The following RNF115 variants were observed in gnomAD, a reference collection of about 807,000 sequenced individuals.
RNF115 encodes ring finger protein 115, also known as E3 ubiquitin-protein ligase RNF115.
RNF115 carries 31 observed loss-of-function variants against 39.2 expected under a neutral mutation model. The observed-to-expected ratio is 0.79, with a 90% CI of 0.59 to 1.07. The LOEUF is 1.07. RNF115 is among the 50% of genes least tolerant of loss of function. RNF115 has a pLI of 0.00. For synonymous variants in RNF115, 124 were observed against 131.0 expected, an observed-to-expected ratio of 0.95 and a Z score of 0.37; for missense variants, 384 against 381.7, an observed-to-expected ratio of 1.01 and a Z score of -0.05.
At chr1:145,807,121 G>T (rs184495643) in intron 1 of RNF115, among the ~76,000 whole-genome samples, 87 of 152,310 alleles carry the variant, frequency 5.7e-4, no homozygotes, top group African/African-American at 2.0e-3. Flanking sequence ...TGCTGTTACT[G>T]TTGCATAATC....
chr1:145,746,956 C>T lies in RNF115; in HGVS notation c.825G>A (p.Glu275=). 6.2e-7 allele frequency: 1 copy of T among 1,613,992 alleles called. No homozygotes were observed. The highest frequency in any genetic ancestry group is 8.5e-7 in the Non-Finnish European group (1 of 1,179,940). ...CPVCRKSLNG[E]DSTRQSQSTE... is the part of the protein sequence containing the mutation. ...TGCTCTGGCTTTGCCGAGTAGAGTC[C>T]TCACCATTTAAGCTCTTCCTACATA... Residue 275 remains glutamate, a synonymous_variant, in exon 9 of 9, where the codon GAG becomes GAA. Transcript: ENST00000582693.
chr1:145,786,168 G>A (rs587704704), intron 2 of RNF115, among the ~76,000 whole-genome samples: 1 of 152,168 alleles, frequency 6.6e-6, no homozygotes, highest in African/African-American at 2.4e-5. Flanking sequence ...CATAGAGAAG[G>A]GATAATAAAA....
chr1:145,812,667 A>G (rs1649786850), intron 1 of RNF115, among the ~76,000 whole-genome samples: 2 of 149,602 alleles, frequency 1.3e-5, no homozygotes, highest in African/African-American at 2.5e-5. Flanking sequence ...GTCTCAAAAA[A>G]AAACCAAAAA....
At chr1:145,781,900 CTTTTT>C (rs34615861) in intron 3 of RNF115, among the ~76,000 whole-genome samples, 2 of 135,560 alleles carry the variant, frequency 1.5e-5, no homozygotes, top group African/African-American at 5.5e-5. Flanking sequence ...TACACTTTTC[CTTTTT>C]TTTTTTTTTT....
intron 1 of RNF115, among the ~76,000 whole-genome samples, chr1:145,811,932 T>TATATACAC (rs1465945929): frequency 7.1e-4 from 53 of 74,616 alleles, no homozygotes; most frequent in African/African-American, 8.7e-4. Flanking sequence ...TATATATATA[T>TATATACAC]ACACACACAC....
chr1:145,772,095 T>A, intron 3 of RNF115, 176 bp from the exon 4 acceptor site: 1 of 571,186 alleles, frequency 1.8e-6, no homozygotes. Context: ...GATCTATACA[T>A]CTTCAACTTT....
chr1:145,753,151 G>A, intron 4 of RNF115, 102 bp from the exon 5 acceptor site: 2 of 748,710 alleles, frequency 2.7e-6, no homozygotes, highest in Non-Finnish European at 4.6e-6. Flanking sequence ...AAACCAAAAT[G>A]GCTTTTCATT....
intron 7 of RNF115, among the ~76,000 whole-genome samples, chr1:145,748,431 T>TA (rs1657958161): frequency 6.6e-6 from 1 of 152,120 alleles, no homozygotes; most frequent in South Asian, 2.1e-4. Context: ...ATCTGCTCAG[T>TA]AAAACAGGAA....
intron 1 of RNF115, among the ~76,000 whole-genome samples, chr1:145,818,903 TAAAG>T (rs1650104995): frequency 6.7e-6 from 1 of 148,316 alleles, no homozygotes; most frequent in Admixed American, 6.8e-5. Context: ...GCTAGATTAA[TAAAG>T]AAAAAAAGAG....
At chr1:145,759,640 C>T (rs1240426630) in intron 4 of RNF115, among the ~76,000 whole-genome samples, 2 of 152,174 alleles carry the variant, frequency 1.3e-5, no homozygotes, top group African/African-American at 2.4e-5. Flanking sequence ...GTCTTTGCCT[C>T]GCACACCTCG....
At chr1:145,751,388 T>G in intron 6 of RNF115, 50 bp downstream of exon 6, 2 of 1,281,592 alleles carry the variant, frequency 1.6e-6, no homozygotes, top group East Asian at 5.0e-5. Flanking sequence ...AGGAAGCCTG[T>G]GGAACCATGA....
At chr1:145,753,297 T>G (rs1299533409) in intron 4 of RNF115, among the ~76,000 whole-genome samples, 2 of 152,182 alleles carry the variant, frequency 1.3e-5, no homozygotes, top group African/African-American at 4.8e-5. Flanking sequence ...GAAAGGGATC[T>G]GATGGTATGG....
intron 4 of RNF115, 67 bp downstream of exon 4, chr1:145,771,644 A>G: frequency 1.0e-5 from 13 of 1,289,176 alleles, no homozygotes; most frequent in Non-Finnish European, 1.4e-5. Flanking sequence ...CCTTATAAAG[A>G]TTAGATTATA....
At chr1:145,771,601 C>T in intron 4 of RNF115, 110 bp downstream of exon 4, 1 of 808,400 alleles carries the variant, frequency 1.2e-6, no homozygotes, top group Non-Finnish European at 2.0e-6. Context: ...CTACATATGT[C>T]CATCTTGTCC....
At chr1:145,768,891 T>G (rs1289791479) in intron 4 of RNF115, among the ~76,000 whole-genome samples, 1 of 152,148 alleles carries the variant, frequency 6.6e-6, no homozygotes, top group Non-Finnish European at 1.5e-5. Flanking sequence ...TAGCTGGGTA[T>G]AGTAATAGGC....
chr1:145,767,942 C>T (rs1387950167), intron 4 of RNF115, among the ~76,000 whole-genome samples: 3 of 42,780 alleles, frequency 7.0e-5, no homozygotes, highest in Non-Finnish European at 1.1e-4. Context: ...AGCTTCGGCT[C>T]GGCATCAGAG....
intron 3 of RNF115, chr1:145,773,046 G>A (rs1168565675): frequency 2.0e-5 from 3 of 151,940 alleles, no homozygotes; most frequent in South Asian, 4.2e-4. Context: ...ATTTCTCTTT[G>A]CCTACTTTTA....
chr1:145,752,831 C>A, intron 5 of RNF115, 147 bp downstream of exon 5: 1 of 556,128 alleles, frequency 1.8e-6, no homozygotes, highest in Non-Finnish European at 3.2e-6. Context: ...TCGTGATCCG[C>A]CAGCCTCGGC....
At position 145,740,985 on chromosome 1, in the gene RNF115, A is replaced by C. The variant is rs1313021111; in HGVS notation, c.*5881T>G. 1 of 152,182 alleles carries C rather than the reference A, an allele frequency of 6.6e-6. No individual in the cohort carries two copies. Among genetic ancestry groups the C allele is most frequent in the African/African-American group, 2.4e-5 (1 of 41,406 alleles). The allele number at this position is 152,182 out of a possible 1,614,324, so 9.4% of individuals were successfully genotyped here. On this transcript the variant is annotated 3_prime_UTR_variant, in exon 9 of 9. Transcript: ENST00000582693. ...CCCAAGTAGCTGGGACTACAGGTGC[A>C]TGCCACCACACCTGGCTAATTTTTG... is the stretch of plus-strand genomic sequence containing the variant.
Sources: allele counts gnomAD v4.1 joint callset (sites outside exome capture counted in the v4.1 genomes callset), GRCh38; gene constraint gnomAD v4.1.1; transcripts MANE v1.5; gene names NCBI Gene and HGNC (gene_info 2026-07-23, HGNC 2026-07-21).